Variants in CNTN5 observed in about 807,000 individuals in gnomAD.
CNTN5 encodes contactin 5.
A neutral mutation model predicts 129.1 loss-of-function variants in CNTN5; 77 were observed. That is an observed-to-expected ratio of 0.60 (90% CI 0.50 to 0.72). The LOEUF is 0.72. Among genes scored for constraint, CNTN5 ranks in the 30% least tolerant of loss-of-function variants. The pLI is 0.00. For missense variants in CNTN5, 1,478 were observed against 1,328.8 expected, an observed-to-expected ratio of 1.11 and a Z score of -1.75; for synonymous variants, 509 against 465.6, an observed-to-expected ratio of 1.09 and a Z score of -1.20.
rs61891144 is a variant in CNTN5, at chr11:99,100,204, G to T, written c.-210+78934G>T. On this transcript the variant is annotated intron_variant, in intron 1 of 24. Coordinates refer to ENST00000524871, the MANE Select transcript of CNTN5 (RefSeq NM_014361.4). ...TAAATAAATATTTTTTCTACATGTGGTTTAAAATATTTTTTCTCTCTCTCT... is the reference window on the plus strand; with the variant it reads ...TAAATAAATATTTTTTCTACATGTGTTTTAAAATATTTTTTCTCTCTCTCT... Among the ~76,000 whole-genome samples the T allele has an allele frequency of 8.0e-3, 1,213 of 152,122 alleles. 15 individuals carry two copies. The highest frequency in any genetic ancestry group is 0.017 in the Middle Eastern group (5 of 294).
chr11:99,860,564 T>C (rs1449454197), intron 6 of CNTN5, among the ~76,000 whole-genome samples: 1 of 152,212 alleles, frequency 6.6e-6, no homozygotes, highest in African/African-American at 2.4e-5. Context: ...GGTTAGTAAA[T>C]CCTTTCCTCA....
At chr11:99,875,798 T>A (rs1285032310) in intron 6 of CNTN5, among the ~76,000 whole-genome samples, 1 of 152,166 alleles carries the variant, frequency 6.6e-6, no homozygotes, top group Non-Finnish European at 1.5e-5. Context: ...GCAAAATAAA[T>A]GACTCAATGA....
intron 1 of CNTN5, among the ~76,000 whole-genome samples, chr11:99,320,129 A>G (rs1256835742): frequency 3.3e-5 from 5 of 152,084 alleles, no homozygotes; most frequent in Non-Finnish European, 7.4e-5. Flanking sequence ...AGTCCCAGCT[A>G]CCCATGGTGG....
At chr11:99,108,924 T>G (rs1857646704) in intron 1 of CNTN5, among the ~76,000 whole-genome samples, 1 of 151,976 alleles carries the variant, frequency 6.6e-6, no homozygotes, top group African/African-American at 2.4e-5. Context: ...TTATATCAAC[T>G]AAGTAAATAC....
rs557810060 is a variant in CNTN5, at chr11:99,553,114, T to A, written c.-70-3031T>A. The stretch of plus-strand genomic sequence containing the variant: ...CAGAGGAAAATGCCAAGAAATGGGA[T>A]GTCATTTCATACATTATTCTTTGAA... On this transcript the variant is annotated intron_variant, in intron 2 of 24. Coordinates refer to ENST00000524871, the MANE Select transcript of CNTN5 (RefSeq NM_014361.4). Among the ~76,000 whole-genome samples, 14 of 152,304 alleles carry A rather than the reference T, an allele frequency of 9.2e-5. No individual in the cohort carries two copies. The South Asian group carries it at 2.9e-3, about 32-fold the overall frequency.
At chr11:99,671,609 G>A (rs1291999880) in intron 3 of CNTN5, among the ~76,000 whole-genome samples, 1 of 152,100 alleles carries the variant, frequency 6.6e-6, no homozygotes, top group Admixed American at 6.6e-5. Flanking sequence ...AAGGGCTGAG[G>A]CACATTATCG....
chr11:99,891,001 A>AGG lies in CNTN5; in HGVS notation c.578-25051_578-25050dup, dbSNP rs1445063948. 2.6e-5 allele frequency among the ~76,000 whole-genome samples: 4 copies of AGG among 152,286 alleles called. No individual in the cohort carries two copies. In the East Asian group the frequency reaches 5.8e-4, roughly 22 times the overall value. On this transcript the variant is annotated intron_variant, in intron 6 of 24. Coordinates refer to ENST00000524871, the MANE Select transcript of CNTN5 (RefSeq NM_014361.4). ...ATAACTGACCAAAACTGCAAATAAA[A>AGG]GGGAAGTATGAGAAACTGTCACAAC...
At chr11:100,159,017 A>G (rs1947349956) in intron 13 of CNTN5, among the ~76,000 whole-genome samples, 1 of 151,930 alleles carries the variant, frequency 6.6e-6, no homozygotes, top group African/African-American at 2.4e-5. Flanking sequence ...ATATCTAACA[A>G]TATAGGTGAA....
intron 13 of CNTN5, among the ~76,000 whole-genome samples, chr11:100,133,945 T>C (rs1294750888): frequency 6.6e-6 from 1 of 152,116 alleles, no homozygotes; most frequent in East Asian, 1.9e-4. Context: ...GATGGATTTA[T>C]AGATGGAAGA....
At chr11:99,656,840 A>G (rs1200140314) in intron 3 of CNTN5, among the ~76,000 whole-genome samples, 1 of 152,090 alleles carries the variant, frequency 6.6e-6, no homozygotes, top group Admixed American at 6.6e-5. Context: ...GACTCTGTTC[A>G]GGGCCTCCAA....
chr11:100,275,495 T>A (rs1206539090), intron 18 of CNTN5, among the ~76,000 whole-genome samples: 1 of 152,018 alleles, frequency 6.6e-6, no homozygotes, highest in Non-Finnish European at 1.5e-5. Context: ...CTATAAATAT[T>A]CATTTCAAAA....
intron 15 of CNTN5, among the ~76,000 whole-genome samples, chr11:100,220,022 A>T (rs1261635814): frequency 6.6e-6 from 1 of 151,924 alleles, no homozygotes; most frequent in Non-Finnish European, 1.5e-5. Flanking sequence ...TCATGCCTGT[A>T]ATCTGAGCAC....
intron 21 of CNTN5, among the ~76,000 whole-genome samples, chr11:100,335,533 C>T (rs149740392): frequency 0.011 from 1,626 of 152,178 alleles, 28 homozygotes; most frequent in African/African-American, 0.037. Flanking sequence ...TTTGGGAAGC[C>T]GAGGCAGGTG....
chr11:100,144,953 ACTGT>A (rs1306622191), intron 13 of CNTN5, among the ~76,000 whole-genome samples: 2 of 129,284 alleles, frequency 1.5e-5, no homozygotes, highest in Admixed American at 7.7e-5. Context: ...CCTCTTTCAT[ACTGT>A]CTTTCTCAAG....
At chr11:99,811,703 A>C (rs1402688103) in intron 3 of CNTN5, among the ~76,000 whole-genome samples, 15 of 151,900 alleles carry the variant, frequency 9.9e-5, no homozygotes. Flanking sequence ...TATTTAATGA[A>C]GGTATTAATA....
chr11:99,954,955 C>T (rs1950763636), intron 7 of CNTN5, among the ~76,000 whole-genome samples: 1 of 152,024 alleles, frequency 6.6e-6, no homozygotes, highest in Non-Finnish European at 1.5e-5. Flanking sequence ...AAATGTTTTT[C>T]TCCTATTCTA....
intron 1 of CNTN5, among the ~76,000 whole-genome samples, chr11:99,324,295 C>T (rs75543413): frequency 0.016 from 2,470 of 152,256 alleles, 42 homozygotes; most frequent in African/African-American, 0.034. Flanking sequence ...GGCCTTCAAT[C>T]ACTCTGAGGT....
At chr11:99,034,320 A>T (rs1282848732) in intron 1 of CNTN5, among the ~76,000 whole-genome samples, 3 of 151,836 alleles carry the variant, frequency 2.0e-5, no homozygotes, top group Non-Finnish European at 4.4e-5. Context: ...TTTTCTATTG[A>T]TTGGAATAGT....
At chr11:100,267,954 G>A (rs1591455106) in intron 17 of CNTN5, among the ~76,000 whole-genome samples, 1 of 152,150 alleles carries the variant, frequency 6.6e-6, no homozygotes, top group East Asian at 1.9e-4. Context: ...TTATGACAGA[G>A]GTCATAAAAA....
Sources: gnomAD v4.1 joint callset for allele counts (sites outside exome capture counted in the v4.1 genomes callset) on GRCh38, gnomAD v4.1.1 for gene constraint, MANE v1.5 for transcripts, NCBI Gene and HGNC (gene_info 2026-07-23, HGNC 2026-07-21) for gene names.